RSPO2: variants seen among roughly 807,000 people sequenced by gnomAD.
RSPO2 encodes the protein R-spondin 2.
RSPO2 carries 14 observed loss-of-function variants against 30.9 expected under a neutral mutation model. That is an observed-to-expected ratio of 0.45 (90% CI 0.30 to 0.71). RSPO2 has a LOEUF of 0.71. Ranked by LOEUF, RSPO2 falls within the 30% of genes least tolerant of loss-of-function variation. The pLI, the probability that RSPO2 is intolerant of heterozygous loss-of-function variation, is 0.08. For synonymous variants in RSPO2, 107 were observed against 96.4 expected, an observed-to-expected ratio of 1.11 and a Z score of -0.64; for missense variants, 264 against 301.9, an observed-to-expected ratio of 0.87 and a Z score of 0.93.
chr8:107,902,550 G>C (rs969773976), intron 5 of RSPO2, among the ~76,000 whole-genome samples: 1 of 152,066 alleles, frequency 6.6e-6, no homozygotes, highest in African/African-American at 2.4e-5. Context: ...AGAGTCTAGG[G>C]AGATACATGA....
intron 5 of RSPO2, among the ~76,000 whole-genome samples, chr8:107,910,082 T>A (rs938864883): frequency 1.3e-5 from 2 of 152,196 alleles, no homozygotes; most frequent in African/African-American, 2.4e-5. Flanking sequence ...TGTTTTCATT[T>A]GATTAGGAGG....
At chr8:107,945,408 C>T (rs1287022115) in intron 5 of RSPO2, among the ~76,000 whole-genome samples, 7 of 151,628 alleles carry the variant, frequency 4.6e-5, no homozygotes, top group African/African-American at 7.3e-5. Flanking sequence ...GCCACCACGC[C>T]GGGCTAATTT....
intron 2 of RSPO2, among the ~76,000 whole-genome samples, chr8:108,037,545 A>C (rs1020528948): frequency 6.6e-6 from 1 of 152,222 alleles, no homozygotes; most frequent in South Asian, 2.1e-4. Flanking sequence ...TAATGAAGAA[A>C]TGAAGGTGGC....
chr8:108,014,719 T>G (rs776145165), intron 2 of RSPO2, among the ~76,000 whole-genome samples: 30 of 151,564 alleles, frequency 2.0e-4, no homozygotes, highest in Non-Finnish European at 3.4e-4. Flanking sequence ...AGGGGAGGGA[T>G]AGCATTAGGA....
At chr8:107,974,596 C>T (rs1027269031) in intron 3 of RSPO2, among the ~76,000 whole-genome samples, 3 of 152,104 alleles carry the variant, frequency 2.0e-5, no homozygotes, top group African/African-American at 7.2e-5. Context: ...GTCAAGGCCA[C>T]TCTGCTACTG....
At chr8:107,951,175 C>G (rs1048559051) in intron 5 of RSPO2, among the ~76,000 whole-genome samples, 1 of 151,892 alleles carries the variant, frequency 6.6e-6, no homozygotes, top group African/African-American at 2.4e-5. Flanking sequence ...TCTGCCTCAG[C>G]CTCCCAAGTA....
At chr8:108,080,854 T>C (rs1446062051) in intron 2 of RSPO2, among the ~76,000 whole-genome samples, 1 of 152,142 alleles carries the variant, frequency 6.6e-6, no homozygotes, top group Non-Finnish European at 1.5e-5. Context: ...CTTTGACTTA[T>C]AAAAAGAGGA....
chr8:107,950,771 T>A lies in RSPO2; in HGVS notation c.616+7309A>T, dbSNP rs921108981. Among the ~76,000 whole-genome samples the A allele has an allele frequency of 1.2e-4, 18 of 149,274 alleles. No individual in the cohort carries two copies. The East Asian group carries it at 1.4e-3, about 11-fold the overall frequency. ...TAATGGTAAAAAAAAAAAAAAAAAA[T>A]TTGACACCTCTGTTACACAAAGTAA... On this transcript the variant is annotated intron_variant, in intron 5 of 5. Transcript: ENST00000276659.
At chr8:108,034,756 A>G (rs968519247) in intron 2 of RSPO2, among the ~76,000 whole-genome samples, 1 of 152,206 alleles carries the variant, frequency 6.6e-6, no homozygotes, top group African/African-American at 2.4e-5. Context: ...GGTTATGGTC[A>G]AAGCTACGTG....
At chr8:107,929,042 C>A (rs1812471574) in intron 5 of RSPO2, among the ~76,000 whole-genome samples, 1 of 152,168 alleles carries the variant, frequency 6.6e-6, no homozygotes, top group Non-Finnish European at 1.5e-5. Context: ...CATGCCCTGA[C>A]ACTGTTGCAA....
At chr8:108,001,158 C>G (rs1815234582) in intron 2 of RSPO2, among the ~76,000 whole-genome samples, 1 of 152,168 alleles carries the variant, frequency 6.6e-6, no homozygotes, top group South Asian at 2.1e-4. Context: ...CGCCCCTGCA[C>G]TCCAGCCTGG....
At chr8:108,064,931 G>A (rs1233169299) in intron 2 of RSPO2, among the ~76,000 whole-genome samples, 10 of 151,714 alleles carry the variant, frequency 6.6e-5, no homozygotes, top group Middle Eastern at 3.4e-3. Flanking sequence ...GGACAAAGCC[G>A]AACACCCCAT....
chr8:107,914,612 TGAGTTATTGAGAACA>T (rs1387025143), intron 5 of RSPO2, among the ~76,000 whole-genome samples: 1 of 152,130 alleles, frequency 6.6e-6, no homozygotes, highest in East Asian at 1.9e-4. Flanking sequence ...AGCTAGACAC[TGAGTTATTGAGAACA>T]GATGTAAAAA....
chr8:108,059,529 G>C (rs978240209), intron 2 of RSPO2, among the ~76,000 whole-genome samples: 7 of 151,102 alleles, frequency 4.6e-5, no homozygotes, highest in South Asian at 2.1e-4. Flanking sequence ...TATAAATCAC[G>C]CTGCTATAAA....
intron 3 of RSPO2, among the ~76,000 whole-genome samples, chr8:107,966,055 G>A (rs1446257921): frequency 6.6e-6 from 1 of 152,178 alleles, no homozygotes; most frequent in Non-Finnish European, 1.5e-5. Flanking sequence ...GTCCAGTGAG[G>A]AGTGGCTTGG....
At chr8:107,967,518 A>G (rs1299570280) in intron 3 of RSPO2, among the ~76,000 whole-genome samples, 1 of 152,196 alleles carries the variant, frequency 6.6e-6, no homozygotes, top group African/African-American at 2.4e-5. Flanking sequence ...TTAGAACTTC[A>G]TTATATTTCA....
chr8:107,925,597 TC>T (rs1183856049), intron 5 of RSPO2, among the ~76,000 whole-genome samples: 1 of 151,766 alleles, frequency 6.6e-6, no homozygotes, highest in Admixed American at 6.6e-5. Flanking sequence ...ATGTTCCCCT[TC>T]CTGTGTCCAT....
At chr8:107,917,204 G>C (rs1008808117) in intron 5 of RSPO2, among the ~76,000 whole-genome samples, 8 of 152,080 alleles carry the variant, frequency 5.3e-5, no homozygotes, top group Non-Finnish European at 8.8e-5. Context: ...ATTTTTTTGA[G>C]GCCAGGCAGG....
intron 3 of RSPO2, among the ~76,000 whole-genome samples, chr8:107,973,539 C>T (rs1814089763): frequency 1.7e-5 from 1 of 60,160 alleles, no homozygotes; most frequent in Non-Finnish European, 3.6e-5. Flanking sequence ...CACTCACACA[C>T]ACACACACAC....
Sources: allele counts gnomAD v4.1 joint callset (sites outside exome capture counted in the v4.1 genomes callset), GRCh38; gene constraint gnomAD v4.1.1; transcripts MANE v1.5; gene names NCBI Gene and HGNC (gene_info 2026-07-23, HGNC 2026-07-21).